COL4A1: variants seen among roughly 807,000 people sequenced by gnomAD.
COL4A1 encodes the protein collagen alpha-1(IV) chain.
Under a neutral mutation model 216.6 loss-of-function variants are expected in COL4A1, and 40 were observed. The observed-to-expected ratio is 0.18, with a 90% CI of 0.14 to 0.24. COL4A1 has a LOEUF of 0.24. Among genes scored for constraint, COL4A1 ranks in the 10% least tolerant of loss-of-function variants. The probability of loss-of-function intolerance (pLI) is 1.00; values close to 1 mark genes in which losing one functional copy is unlikely to be tolerated. For synonymous variants in COL4A1, 839 were observed against 810.7 expected (o/e 1.03, Z -0.59); for missense variants, 1,628 against 2,196.8 (o/e 0.74, Z 5.18).
chr13:110,253,547 C>T (rs1189081286), intron 1 of COL4A1, among the ~76,000 whole-genome samples: 1 of 139,532 alleles, frequency 7.2e-6, no homozygotes, highest in African/African-American at 2.6e-5. Context: ...ATATGTATTA[C>T]ATATACATAT....
intron 1 of COL4A1, among the ~76,000 whole-genome samples, chr13:110,246,271 T>C (rs1397986693): frequency 2.6e-5 from 4 of 152,098 alleles, no homozygotes; most frequent in South Asian, 4.2e-4. Context: ...CTTTCTGTCA[T>C]ATAAGGGCCC....
intron 11 of COL4A1, 47 bp from the exon 12 acceptor site, chr13:110,208,937 T>C (rs750600083): frequency 3.8e-6 from 6 of 1,567,082 alleles, no homozygotes; most frequent in Non-Finnish European, 5.3e-6. Context: ...GTCTACTTCG[T>C]TCAAAGTCAT....
intron 21 of COL4A1, among the ~76,000 whole-genome samples, chr13:110,196,617 A>AC (rs71206935): frequency 0.26 from 40,032 of 152,100 alleles, 5,472 homozygotes; most frequent in Admixed American, 0.32. Context: ...AACAAAAAAA[A>AC]AATAGTACAT....
chr13:110,182,866 G>A (rs1878235906), intron 28 of COL4A1, 127 bp downstream of exon 28: 4 of 823,220 alleles, frequency 4.9e-6, no homozygotes, highest in Admixed American at 2.2e-5. Context: ...AGCACTGCTT[G>A]GGCTCTTCTG....
chr13:110,201,209 G>A (rs934647239), intron 19 of COL4A1, among the ~76,000 whole-genome samples: 2 of 148,566 alleles, frequency 1.3e-5, no homozygotes, highest in Non-Finnish European at 3.0e-5. Context: ...AAAAAGAGGG[G>A]AAGAAATAGA....
chr13:110,227,424 ACAAAC>A (rs1880789094), intron 2 of COL4A1, among the ~76,000 whole-genome samples: 1 of 144,384 alleles, frequency 6.9e-6, no homozygotes, highest in Non-Finnish European at 1.5e-5. Context: ...ACACACACAC[ACAAAC>A]ACACACAAAC....
chr13:110,299,437 T>C (rs1037726607), intron 1 of COL4A1, among the ~76,000 whole-genome samples: 1 of 152,234 alleles, frequency 6.6e-6, no homozygotes, highest in Non-Finnish European at 1.5e-5. Flanking sequence ...TACTTTGCTG[T>C]TTATGCTTCT....
At chr13:110,236,317 A>G (rs1050040520) in intron 2 of COL4A1, among the ~76,000 whole-genome samples, 1 of 152,170 alleles carries the variant, frequency 6.6e-6, no homozygotes, top group Admixed American at 6.5e-5. Flanking sequence ...TAGGTATTAG[A>G]TTTATGGTAT....
intron 1 of COL4A1, among the ~76,000 whole-genome samples, chr13:110,243,152 A>G (rs1399145819): frequency 1.3e-5 from 2 of 151,966 alleles, no homozygotes; most frequent in African/African-American, 2.4e-5. Context: ...AGAGCTCCCA[A>G]TGACGTGGTC....
intron 46 of COL4A1, among the ~76,000 whole-genome samples, chr13:110,164,468 A>C (rs1877239946): frequency 6.6e-6 from 1 of 152,206 alleles, no homozygotes; most frequent in African/African-American, 2.4e-5. Flanking sequence ...AATTGTACAG[A>C]CAGTGCCAAT....
rs764837839 is a variant in COL4A1, at chr13:110,172,772, TATAAG to T, written c.3506-7_3506-3del. ...CTGGGAATCCTCTTCCTGGTAGACC[TATAAG>T]ATGAGGGTAAAATGCCACGTTTCTC... On this transcript the variant is annotated splice_region_variant and splice_polypyrimidine_tract_variant and intron_variant, in intron 40 of 51. Transcript: ENST00000375820. 1.9e-6 allele frequency: 3 copies of T among 1,613,712 alleles called. No homozygotes were observed. In the Admixed American group the frequency reaches 5.0e-5, roughly 27 times the overall value.
At chr13:110,181,413 A>AAAAC (rs762439134) in intron 28 of COL4A1, 24 bp from the exon 29 acceptor site, 92 of 1,587,182 alleles carry the variant, frequency 5.8e-5, no homozygotes, top group East Asian at 1.1e-4. Context: ...TCAAAAAAAA[A>AAAAC]AAACAAACAA....
At chr13:110,219,834 A>ATG (rs1351475266) in intron 2 of COL4A1, among the ~76,000 whole-genome samples, 2 of 112,778 alleles carry the variant, frequency 1.8e-5, no homozygotes, top group African/African-American at 6.5e-5. Flanking sequence ...ATATGTATGT[A>ATG]TGTATATATG....
rs145029443 is a variant in COL4A1 at position 110,207,421 on chromosome 13, G to C, written c.762C>G (p.Phe254Leu). 6.2e-7 allele frequency: 1 copy of C among 1,613,894 alleles called. No individual in the cohort carries two copies. The highest frequency in any genetic ancestry group is 8.5e-7 in the Non-Finnish European group (1 of 1,179,924). The stretch of plus-strand genomic sequence containing the variant: ...CTCATACCTTTTCTCCCTTGGTGGC[G>C]AAGTCTCCTTTTTCTTGAACTTGAG... ...GQAQVQEKGD[F>L]ATKGEKGQKG... Residue 254 changes from phenylalanine to leucine, a missense_variant, in exon 13 of 52, where the codon TTC becomes TTG. Coordinates refer to ENST00000375820, the MANE Select transcript of COL4A1 (RefSeq NM_001845.6). This position sits in a 1 kb window ranked among gnomAD's most constrained non-coding sequence, Gnocchi z 4.4.
intron 1 of COL4A1, among the ~76,000 whole-genome samples, chr13:110,291,518 C>T (rs1426963785): frequency 6.6e-6 from 1 of 152,202 alleles, no homozygotes; most frequent in Non-Finnish European, 1.5e-5. Flanking sequence ...CCTCTCCCAT[C>T]GCCTTCTCAG....
intron 23 of COL4A1, among the ~76,000 whole-genome samples, chr13:110,192,568 A>T (rs1878686194): frequency 6.6e-6 from 1 of 152,142 alleles, no homozygotes; most frequent in Admixed American, 6.6e-5. Context: ...AATTCCATTA[A>T]CTGCTTGTGA....
chr13:110,280,163 A>G (rs566805010), intron 1 of COL4A1, among the ~76,000 whole-genome samples: 1 of 152,230 alleles, frequency 6.6e-6, no homozygotes, highest in African/African-American at 2.4e-5. Context: ...CTTTAAAGTT[A>G]GTTTTTAAAA....
At position 110,176,414 on chromosome 13, in the gene COL4A1, T is replaced by C; in HGVS notation, c.3058+10A>G. The C allele has an allele frequency of 6.3e-7, 1 of 1,596,782 alleles. No individual in the cohort carries two copies. Among genetic ancestry groups the C allele is most frequent in the Non-Finnish European group, 8.6e-7 (1 of 1,164,144 alleles). On this transcript the variant is annotated intron_variant, in intron 36 of 51. Transcript: ENST00000375820. ...ACATGCTAAAGAATCCTCTTCTAAATCCAGTTTACCTGGCAAGCCCATTCC... is the reference window on the plus strand; with the variant it reads ...ACATGCTAAAGAATCCTCTTCTAAACCCAGTTTACCTGGCAAGCCCATTCC...
chr13:110,247,211 A>G (rs1236366389), intron 1 of COL4A1, among the ~76,000 whole-genome samples: 1 of 152,184 alleles, frequency 6.6e-6, no homozygotes, highest in Non-Finnish European at 1.5e-5. Context: ...GTTGTCTCCA[A>G]ATGGAAGCCA....
Sources: allele counts gnomAD v4.1 joint callset (sites outside exome capture counted in the v4.1 genomes callset), GRCh38; gene constraint gnomAD v4.1.1; non-coding constraint Gnocchi (gnomAD v3.1); transcripts MANE v1.5; gene names NCBI Gene and HGNC (gene_info 2026-07-23, HGNC 2026-07-21).